The following FAM53A variants were observed in gnomAD, a reference collection of about 807,000 sequenced individuals.
FAM53A encodes family with sequence similarity 53 member A, also known as protein FAM53A.
Under a neutral mutation model 26.6 loss-of-function variants are expected in FAM53A, and 28 were observed. The observed-to-expected ratio is 1.05, with a 90% confidence interval of 0.78 to 1.45. The LOEUF (loss-of-function observed/expected upper bound fraction) is 1.45. Among genes scored for constraint, FAM53A ranks in the 40% most tolerant of loss-of-function variants. The probability of loss-of-function intolerance (pLI) is 0.00; values close to 1 mark genes in which losing one functional copy is unlikely to be tolerated. For synonymous variants in FAM53A, 290 were observed against 253.1 expected, an observed-to-expected ratio of 1.15 and a Z score of -1.38; for missense variants, 650 against 575.8, an observed-to-expected ratio of 1.13 and a Z score of -1.32.
the FAM53A span, among the ~76,000 whole-genome samples, chr4:1,608,355 C>T: frequency 6.6e-6 from 1 of 152,180 alleles, no homozygotes; most frequent in Non-Finnish European, 1.5e-5. Context: ...TCCTGGGTGC[C>T]CCCAGCCCCA....
chr4:1,684,855 A>G (rs1287460110), upstream of FAM53A, among the ~76,000 whole-genome samples: 1 of 152,172 alleles, frequency 6.6e-6, no homozygotes, highest in East Asian at 1.9e-4. Context: ...CCGAGGGCGG[A>G]CCGTGCTGCA....
In FAM53A at chr4:1,619,347, G is replaced by A. The variant is rs146090234; in HGVS notation, c.432-1236C>T. 4.2e-3 allele frequency among the ~76,000 whole-genome samples: 636 copies of A among 152,294 alleles called. 2 individuals are homozygous for A. The highest frequency in any genetic ancestry group is 0.015 in the African/African-American group (621 of 41,562). ...GCGGCCAACGACCCGGCCTCACCAG[G>A]GCAGGCAAGGCAGGAGGGCAGAGGC... On this transcript the variant is annotated intron_variant, in intron 1 of 1. Coordinates refer to the FAM53A transcript ENST00000489029.
chr4:1,610,282 C>T, the FAM53A span, among the ~76,000 whole-genome samples: 2 of 152,118 alleles, frequency 1.3e-5, no homozygotes, highest in African/African-American at 4.8e-5. Flanking sequence ...GGCCCCCAGA[C>T]TCCAGCTGCC....
the FAM53A span, among the ~76,000 whole-genome samples, chr4:1,605,824 T>C: frequency 2.6e-5 from 4 of 152,154 alleles, no homozygotes; most frequent in African/African-American, 9.7e-5. The surrounding 1 kb of genome is among the most constrained non-coding windows in gnomAD (Gnocchi z 5.7). Context: ...CCAGGAGTCC[T>C]GGTGGCTCTC....
chr4:1,600,572 A>G, the FAM53A span, among the ~76,000 whole-genome samples: 3 of 152,152 alleles, frequency 2.0e-5, no homozygotes, highest in Non-Finnish European at 4.4e-5. Flanking sequence ...GGTGAGCAAG[A>G]AAGGCGCCAT....
downstream of FAM53A, among the ~76,000 whole-genome samples, chr4:1,638,709 C>T (rs1577097852): frequency 6.6e-6 from 1 of 152,158 alleles, no homozygotes; most frequent in African/African-American, 2.4e-5. Context: ...CACACGTAAA[C>T]CCCAGCTCAC....
chr4:1,578,790 G>A, the FAM53A span, among the ~76,000 whole-genome samples: 13 of 108,708 alleles, frequency 1.2e-4, 1 homozygote, highest in African/African-American at 3.1e-4. Context: ...GAGAAGAGGG[G>A]GAGAGGAGAG....
chr4:1,657,391 G>A lies in FAM53A; in HGVS notation c.136+17C>T, dbSNP rs1427734801. On this transcript the variant is annotated intron_variant, in intron 3 of 4. Coordinates refer to ENST00000308132, the MANE Select transcript of FAM53A (RefSeq NM_001174070.3). ...AGCCCTGCTCAGGCCTCCGGCCACAGCTCCTAAAGTGCTCACCGTTGAGCT... is the reference window on the plus strand; with the variant it reads ...AGCCCTGCTCAGGCCTCCGGCCACAACTCCTAAAGTGCTCACCGTTGAGCT... The A allele has an allele frequency of 1.2e-6, 2 of 1,611,580 alleles. No individual in the cohort carries two copies. The highest frequency in any genetic ancestry group is 2.7e-5 in the African/African-American group (2 of 74,990).
At chr4:1,680,942 C>T (rs537673199) in intron 1 of FAM53A, among the ~76,000 whole-genome samples, 1 of 152,156 alleles carries the variant, frequency 6.6e-6, no homozygotes, top group Non-Finnish European at 1.5e-5. Flanking sequence ...TAGACTACAA[C>T]ACCAAGAGTG....
At chr4:1,652,290 CCACA>C (rs781439903) in intron 4 of FAM53A, among the ~76,000 whole-genome samples, 9 of 144,988 alleles carry the variant, frequency 6.2e-5, no homozygotes, top group South Asian at 4.5e-4. Context: ...CACACACATG[CCACA>C]CACACACAAA....
chr4:1,600,963 C>T, the FAM53A span, among the ~76,000 whole-genome samples: 5 of 152,274 alleles, frequency 3.3e-5, no homozygotes, highest in African/African-American at 1.2e-4. Flanking sequence ...TGCCCCAGGG[C>T]CCAGCCCTGG....
At chr4:1,651,992 TCACACACACACCA>T (rs1298953387) in intron 4 of FAM53A, among the ~76,000 whole-genome samples, 7 of 108,752 alleles carry the variant, frequency 6.4e-5, no homozygotes, top group Non-Finnish European at 1.2e-4. Flanking sequence ...CACGCACACC[TCACACACACACCA>T]CACACGTCAC....
intron 1 of FAM53A, among the ~76,000 whole-genome samples, chr4:1,619,390 G>A (rs571057719): frequency 5.8e-4 from 89 of 152,298 alleles, no homozygotes; most frequent in African/African-American, 1.5e-3. Flanking sequence ...AGCTGGTGGC[G>A]CGCATGGAGG....
At chr4:1,680,973 A>T (rs1043699670) in intron 1 of FAM53A, among the ~76,000 whole-genome samples, 29 of 152,162 alleles carry the variant, frequency 1.9e-4, no homozygotes, top group Non-Finnish European at 3.5e-4. Flanking sequence ...TCAACTATGG[A>T]CTTTGGATAA....
At chr4:1,592,496 G>T in the FAM53A span, among the ~76,000 whole-genome samples, 1 of 149,102 alleles carries the variant, frequency 6.7e-6, no homozygotes, top group Non-Finnish European at 1.5e-5. Flanking sequence ...GGGGGGCGCT[G>T]CGGTCCTTCC....
At chr4:1,574,792 G>A in the FAM53A span, among the ~76,000 whole-genome samples, 85 of 152,312 alleles carry the variant, frequency 5.6e-4, no homozygotes, top group Admixed American at 1.2e-3. Context: ...GTCAGCGGGC[G>A]GCAGGCTCAG....
chr4:1,684,383 C>T (rs1560226488), upstream of FAM53A: 1 of 148,234 alleles, frequency 6.7e-6, no homozygotes, highest in African/African-American at 2.5e-5. Flanking sequence ...CGCGCCCCGC[C>T]GCCGCCGCGA....
At chr4:1,667,081 T>G (rs1348512368) in intron 2 of FAM53A, among the ~76,000 whole-genome samples, 3 of 151,384 alleles carry the variant, frequency 2.0e-5, no homozygotes, top group Admixed American at 6.6e-5. Context: ...TGAGCCGAGA[T>G]TGTGCCATTG....
the FAM53A span, among the ~76,000 whole-genome samples, chr4:1,596,767 G>A: frequency 6.6e-6 from 1 of 152,188 alleles, no homozygotes; most frequent in South Asian, 2.1e-4. Context: ...CTTTAAAAGG[G>A]GGAAAGACAG....
Sources: allele counts gnomAD v4.1 joint callset (sites outside exome capture counted in the v4.1 genomes callset), GRCh38; gene constraint gnomAD v4.1.1; non-coding constraint Gnocchi (gnomAD v3.1); transcripts MANE v1.5; gene names NCBI Gene and HGNC (gene_info 2026-07-23, HGNC 2026-07-21).